Variants in CRISP2 observed in about 807,000 individuals in gnomAD.
CRISP2 encodes the protein cysteine rich secretory protein 2, also known as cysteine-rich secretory protein 2.
A neutral mutation model predicts 31.7 loss-of-function variants in CRISP2; 29 were observed. The ratio of observed to expected loss-of-function variants is 0.92; its 90% CI spans 0.68 to 1.25. The LOEUF (loss-of-function observed/expected upper bound fraction) is 1.25, where lower values mean the gene tolerates loss of function less well. CRISP2 is among the 50% of genes most tolerant of loss of function. The pLI, the probability that CRISP2 is intolerant of heterozygous loss-of-function variation, is 0.00. For missense variants in CRISP2, 318 were observed against 286.5 expected (o/e 1.11, Z -0.79); for synonymous variants, 111 against 101.4 (o/e 1.09, Z -0.57).
At chr6:49,681,858 C>CCATTGACAAAT in the CRISP2 span, among the ~76,000 whole-genome samples, 3 of 152,020 alleles carry the variant, frequency 2.0e-5, no homozygotes, top group East Asian at 5.8e-4. Context: ...TTCCATTTGT[C>CCATTGACAAAT]ATATGTTAAT....
intron 7 of CRISP2, 75 bp from the exon 8 acceptor site, chr6:49,698,032 A>G (rs1046342495): frequency 8.3e-7 from 1 of 1,200,112 alleles, no homozygotes; most frequent in Non-Finnish European, 1.2e-6. Context: ...AGTAGCAAAT[A>G]TAAAACTGAA....
intron 4 of CRISP2, among the ~76,000 whole-genome samples, chr6:49,705,125 C>T (rs1254530198): frequency 6.6e-6 from 1 of 152,012 alleles, no homozygotes; most frequent in Non-Finnish European, 1.5e-5. Context: ...GAAAGACCAT[C>T]ATGTGTGGGC....
At chr6:49,705,979 C>T (rs929056357) in intron 4 of CRISP2, among the ~76,000 whole-genome samples, 1 of 152,126 alleles carries the variant, frequency 6.6e-6, no homozygotes, top group Non-Finnish European at 1.5e-5. Flanking sequence ...GTTCTTGGCA[C>T]AAAAGTTCAT....
intron 9 of CRISP2, 90 bp downstream of exon 9, chr6:49,695,746 C>T: frequency 9.5e-7 from 1 of 1,050,736 alleles, no homozygotes; most frequent in Non-Finnish European, 1.4e-6. Context: ...TATTTCAATT[C>T]ATTACGTTAG....
chr6:49,688,151 T>C (rs1217031824), downstream of CRISP2, among the ~76,000 whole-genome samples: 3 of 152,182 alleles, frequency 2.0e-5, no homozygotes, highest in African/African-American at 7.2e-5. Context: ...ACAAGCAAAG[T>C]CTTACTGTTC....
intron 4 of CRISP2, among the ~76,000 whole-genome samples, chr6:49,701,547 A>C (rs1765737608): frequency 7.5e-6 from 1 of 133,174 alleles, no homozygotes; most frequent in Non-Finnish European, 1.6e-5. Context: ...CACACACAGT[A>C]TATATATATG....
chr6:49,695,698 A>G, intron 9 of CRISP2, 138 bp downstream of exon 9: 1 of 635,150 alleles, frequency 1.6e-6, no homozygotes, highest in Non-Finnish European at 2.7e-6. Context: ...GTTTAAGCAT[A>G]CTTTGTTGAA....
At chr6:49,701,581 G>A (rs1765748450) in intron 4 of CRISP2, among the ~76,000 whole-genome samples, 1 of 65,944 alleles carries the variant, frequency 1.5e-5, no homozygotes, top group Admixed American at 2.1e-4. Context: ...AGTATTACGT[G>A]TGTGTGTATA....
Position 49,698,404 on chromosome 6 carries a change from T to A in CRISP2, c.375A>T (p.Val125=). 1 of 1,613,494 alleles carries A rather than the reference T, an allele frequency of 6.2e-7. No homozygotes were observed. The highest frequency in any genetic ancestry group is 1.1e-5 in the South Asian group (1 of 90,982). Reference sequence around the variant, plus strand: ...CAACTGCATTGGGACTCTTTGGTCCTACACCATAGACAAAATCTAGGATCT... The same window carrying A: ...CAACTGCATTGGGACTCTTTGGTCCAACACCATAGACAAAATCTAGGATCT... ...YDEILDFVYG[V]GPKSPNAVVG... Residue 125 remains valine, a synonymous_variant, in exon 7 of 10, where the codon GTA becomes GTT. Transcript: ENST00000339139.
At chr6:49,695,517 G>A (rs560200222) in intron 9 of CRISP2, among the ~76,000 whole-genome samples, 209 of 152,224 alleles carry the variant, frequency 1.4e-3, no homozygotes, top group African/African-American at 4.8e-3. Context: ...TTTTGGTATA[G>A]TGATATGAAC....
intron 2 of CRISP2, among the ~76,000 whole-genome samples, chr6:49,711,921 C>T (rs185146611): frequency 1.3e-4 from 20 of 152,206 alleles, no homozygotes; most frequent in South Asian, 6.2e-4. Flanking sequence ...TACAAATAAA[C>T]GGAAATTATT....
chr6:49,677,950 G>A, the CRISP2 span, among the ~76,000 whole-genome samples: 44 of 152,122 alleles, frequency 2.9e-4, no homozygotes, highest in African/African-American at 1.0e-3. Flanking sequence ...ACTGGGTTTA[G>A]GATCAATGTT....
chr6:49,699,643 T>A (rs541954491), intron 6 of CRISP2, among the ~76,000 whole-genome samples, 161 bp downstream of exon 6: 1 of 152,308 alleles, frequency 6.6e-6, no homozygotes, highest in South Asian at 2.1e-4. Context: ...AAAATTGTTC[T>A]TATTGTAAAT....
At chr6:49,686,079 T>A in the CRISP2 span, among the ~76,000 whole-genome samples, 1 of 152,226 alleles carries the variant, frequency 6.6e-6, no homozygotes, top group East Asian at 1.9e-4. Context: ...TGAAGCCATA[T>A]ATTTTTTGTA....
chr6:49,694,196 C>T (rs1316658536), intron 9 of CRISP2, among the ~76,000 whole-genome samples: 1 of 152,174 alleles, frequency 6.6e-6, no homozygotes, highest in African/African-American at 2.4e-5. Flanking sequence ...AGAAGGGTGA[C>T]ATGGACAATT....
the CRISP2 span, among the ~76,000 whole-genome samples, chr6:49,679,219 T>C: frequency 1.9e-3 from 284 of 152,258 alleles, 1 homozygote; most frequent in African/African-American, 6.3e-3. Context: ...GAGATACTTA[T>C]GCACCAAGTA....
the CRISP2 span, among the ~76,000 whole-genome samples, chr6:49,681,538 A>G: frequency 6.6e-6 from 1 of 152,224 alleles, no homozygotes; most frequent in Non-Finnish European, 1.5e-5. Context: ...TGTGGGCAAT[A>G]ACATATAGAT....
intron 4 of CRISP2, among the ~76,000 whole-genome samples, chr6:49,702,843 C>G (rs1205492217): frequency 6.6e-6 from 1 of 151,920 alleles, no homozygotes; most frequent in Non-Finnish European, 1.5e-5. Flanking sequence ...GTTGCATTTG[C>G]TTTTGGGTTC....
chr6:49,701,684 AT>A (rs1183090991), intron 4 of CRISP2, among the ~76,000 whole-genome samples: 4 of 122,646 alleles, frequency 3.3e-5, no homozygotes, highest in African/African-American at 1.3e-4. Context: ...ATATGTATAC[AT>A]TATATATGTA....
Sources: allele counts gnomAD v4.1 joint callset (sites outside exome capture counted in the v4.1 genomes callset), GRCh38; gene constraint gnomAD v4.1.1; transcripts MANE v1.5; gene names NCBI Gene and HGNC (gene_info 2026-07-23, HGNC 2026-07-21).